GPSM1: variants seen among roughly 807,000 people sequenced by gnomAD.
GPSM1 encodes the protein G protein signaling modulator 1, also known as G protein-signaling modulator 1.
GPSM1 carries 48 observed loss-of-function variants against 70.5 expected under a neutral mutation model. The ratio of observed to expected loss-of-function variants is 0.68; its 90% CI spans 0.54 to 0.87. GPSM1 has a LOEUF of 0.87. Ranked by LOEUF, GPSM1 falls within the 40% of genes least tolerant of loss-of-function variation. The pLI is 0.00. For synonymous variants in GPSM1, 416 were observed against 430.1 expected, an observed-to-expected ratio of 0.97 and a Z score of 0.41; for missense variants, 981 against 972.6, an observed-to-expected ratio of 1.01 and a Z score of -0.11.
chr9:136,333,849 C>T (rs868923222), intron 1 of GPSM1, among the ~76,000 whole-genome samples: 1 of 152,140 alleles, frequency 6.6e-6, no homozygotes, highest in East Asian at 1.9e-4. Context: ...ACCTCCGCAG[C>T]ACTGGTCTCC....
intron 9 of GPSM1, among the ~76,000 whole-genome samples, chr9:136,345,563 G>A (rs917338436): frequency 1.9e-4 from 29 of 152,228 alleles, no homozygotes; most frequent in African/African-American, 7.0e-4. Flanking sequence ...CCATCCATGC[G>A]GTGTCCTGGT....
intron 9 of GPSM1, among the ~76,000 whole-genome samples, chr9:136,347,375 C>T (rs28533815): frequency 0.24 from 35,761 of 149,762 alleles, 4,405 homozygotes; most frequent in Admixed American, 0.26. Flanking sequence ...AGTGTGTCCA[C>T]GGGTGGAGGG....
In GPSM1 at chr9:136,337,934, G is replaced by A. The variant is rs371874960; in HGVS notation, c.791G>A (p.Arg264His). 50 of 1,611,302 alleles carry A rather than the reference G, an allele frequency of 3.1e-5. 1 individual carries two copies. The highest frequency in any genetic ancestry group is 4.1e-5 in the Non-Finnish European group (48 of 1,178,892). Reference protein sequence around the residue: ...NLGNAHVFLGRFDVAAEYYKK... With the variant: ...NLGNAHVFLGHFDVAAEYYKK... ...GGGAACGCCCACGTCTTCCTGGGGCGCTTTGACGTGGCCGCCGAGTACTAC... is the reference window on the plus strand; with the variant it reads ...GGGAACGCCCACGTCTTCCTGGGGCACTTTGACGTGGCCGCCGAGTACTAC... The change falls in exon 6 of 14, where the codon CGC becomes CAC. Residue 264 changes from arginine to histidine, a missense_variant. Physicochemically the swap from Arg to His is conservative, Grantham distance 29. Transcript: ENST00000440944.
chr9:136,331,580 AC>A (rs372439313), intron 1 of GPSM1, among the ~76,000 whole-genome samples: 9 of 152,206 alleles, frequency 5.9e-5, no homozygotes, highest in African/African-American at 2.2e-4. Flanking sequence ...CACACTCTGG[AC>A]GCCATTCCTC....
In GPSM1 at chr9:136,334,469, C is replaced by G. The variant is rs1554768895; in HGVS notation, c.91C>G (p.Leu31Val). ...CAGGATGGAGGCGTCCTGCCTAGAG[C>G]TGGCGCTGGAGGGCGAGCGTCTGTG... Reference protein sequence around the residue: ...YSRMEASCLELALEGERLCKA... With the variant: ...YSRMEASCLEVALEGERLCKA... Residue 31 changes from leucine to valine, a missense_variant, in exon 2 of 14, where the codon CTG (leucine) becomes GTG (valine). By Grantham distance (32) the Leu-to-Val change is conservative. Transcript: ENST00000440944. The G allele has an allele frequency of 6.2e-7, 1 of 1,612,576 alleles. No homozygotes were observed. Among genetic ancestry groups the G allele is most frequent in the East Asian group, 2.2e-5 (1 of 44,882 alleles).
intron 12 of GPSM1, 67 bp downstream of exon 12, chr9:136,355,913 T>C (rs948982851): frequency 8.4e-5 from 114 of 1,363,286 alleles, no homozygotes; most frequent in Non-Finnish European, 1.1e-4. Flanking sequence ...AGGGCTCCCG[T>C]CCTGCTTCCA....
intron 9 of GPSM1, among the ~76,000 whole-genome samples, chr9:136,345,772 C>T (rs951847400): frequency 2.0e-5 from 3 of 152,184 alleles, no homozygotes; most frequent in Non-Finnish European, 4.4e-5. Context: ...ACGTGCTCCT[C>T]TGTCATTTCC....
intron 9 of GPSM1, among the ~76,000 whole-genome samples, chr9:136,344,258 G>T (rs1554770854): frequency 6.6e-6 from 1 of 151,720 alleles, no homozygotes; most frequent in African/African-American, 2.4e-5. Context: ...CAGGAGCAGG[G>T]GAGGCGCGGA....
At chr9:136,336,180 TGA>T in intron 3 of GPSM1, 79 bp downstream of exon 3, 1 of 1,486,114 alleles carries the variant, frequency 6.7e-7, no homozygotes, top group South Asian at 1.2e-5. Flanking sequence ...GGCGGGCGGG[TGA>T]CTCACCACTC....
chr9:136,335,342 G>C (rs573709440), intron 2 of GPSM1, among the ~76,000 whole-genome samples: 1 of 152,020 alleles, frequency 6.6e-6, no homozygotes, highest in South Asian at 2.1e-4. Flanking sequence ...CCTACTCCCC[G>C]CCGCCCCTTG....
intron 1 of GPSM1, among the ~76,000 whole-genome samples, chr9:136,329,722 A>G (rs1199394131): frequency 1.3e-5 from 2 of 152,184 alleles, no homozygotes; most frequent in African/African-American, 2.4e-5. Flanking sequence ...TGTGCCTGGA[A>G]AACACACTGA....
At chr9:136,348,402 C>A (rs549922439) in intron 9 of GPSM1, among the ~76,000 whole-genome samples, 2 of 152,164 alleles carry the variant, frequency 1.3e-5, no homozygotes, top group African/African-American at 4.8e-5. Context: ...GCCCTGTGTG[C>A]GGCAGGGGAG....
intron 9 of GPSM1, among the ~76,000 whole-genome samples, chr9:136,344,689 C>T (rs372119851): frequency 7.3e-5 from 11 of 151,580 alleles, no homozygotes; most frequent in South Asian, 4.2e-4. Context: ...CAAGCTTAGA[C>T]GGAGGAACAG....
intron 9 of GPSM1, among the ~76,000 whole-genome samples, chr9:136,344,925 A>G (rs1554771010): frequency 6.6e-6 from 1 of 152,072 alleles, no homozygotes. Context: ...TACCAACCCC[A>G]TGGTCCTTGC....
chr9:136,331,155 C>CG (rs1174241293), intron 1 of GPSM1, among the ~76,000 whole-genome samples: 1 of 152,156 alleles, frequency 6.6e-6, no homozygotes, highest in African/African-American at 2.4e-5. Flanking sequence ...AGAAGGACGC[C>CG]GGGGGCTTGG....
chr9:136,345,449 G>A lies in GPSM1; in HGVS notation c.1208-3248G>A, dbSNP rs145900385. Among the ~76,000 whole-genome samples the A allele has an allele frequency of 7.0e-3, 1,062 of 152,292 alleles. 9 individuals are homozygous for A. The highest frequency in any genetic ancestry group is 0.012 in the Non-Finnish European group (785 of 68,012). On this transcript the variant is annotated intron_variant, in intron 9 of 13. Transcript: ENST00000440944. ...AGGGTGCATTGAGCCAGGCGCAGCG[G>A]GCCTTCCGCCCACCGTCCGTGCCTG... is the stretch of plus-strand genomic sequence containing the variant.
chr9:136,357,814 G>A (rs1832877000), intron 13 of GPSM1, among the ~76,000 whole-genome samples, 200 bp from the exon 14 acceptor site: 1 of 152,214 alleles, frequency 6.6e-6, no homozygotes. Flanking sequence ...TTGGTGGCGG[G>A]GCCACCAGAA....
intron 11 of GPSM1, among the ~76,000 whole-genome samples, chr9:136,351,117 G>A (rs964539790): frequency 1.1e-4 from 16 of 152,182 alleles, no homozygotes; most frequent in Non-Finnish European, 2.1e-4. Flanking sequence ...CCTGCAGAGG[G>A]GTGTGGGTGC....
At chr9:136,351,187 A>AC (rs1259038319) in intron 11 of GPSM1, among the ~76,000 whole-genome samples, 1 of 152,182 alleles carries the variant, frequency 6.6e-6, no homozygotes, top group African/African-American at 2.4e-5. Context: ...CCAGCAGGGC[A>AC]CAGCCTACCT....
Sources: gnomAD v4.1 joint callset for allele counts (sites outside exome capture counted in the v4.1 genomes callset) on GRCh38, gnomAD v4.1.1 for gene constraint, MANE v1.5 for transcripts, NCBI Gene and HGNC (gene_info 2026-07-23, HGNC 2026-07-21) for gene names.